RPH3A: variants seen among roughly 807,000 people sequenced by gnomAD.
RPH3A encodes rabphilin-3A.
A neutral mutation model predicts 102.2 loss-of-function variants in RPH3A; 48 were observed. The observed-to-expected ratio is 0.47, with a 90% CI of 0.37 to 0.60. The LOEUF (loss-of-function observed/expected upper bound fraction) is 0.60, where lower values mean the gene tolerates loss of function less well. RPH3A is among the 20% of genes least tolerant of loss of function. The probability of loss-of-function intolerance (pLI) is 0.00; values close to 1 mark genes in which losing one functional copy is unlikely to be tolerated. For synonymous variants in RPH3A, 310 were observed against 324.3 expected (o/e 0.96, Z 0.47); for missense variants, 781 against 910.1 (o/e 0.86, Z 1.83).
At chr12:112,868,167 T>A in intron 7 of RPH3A, 1 of 423,284 alleles carries the variant, frequency 2.4e-6, no homozygotes, top group Non-Finnish European at 4.2e-6. Flanking sequence ...ATTGGACCAG[T>A]CCTTAAGATT....
intron 1 of RPH3A, among the ~76,000 whole-genome samples, chr12:112,671,005 G>T (rs979779837): frequency 6.6e-6 from 1 of 151,944 alleles, no homozygotes; most frequent in African/African-American, 2.4e-5. Flanking sequence ...CCACAGGGGG[G>T]AGATGCCCAA....
At chr12:112,674,837 AG>A (rs1411377353) in intron 1 of RPH3A, among the ~76,000 whole-genome samples, 1 of 152,180 alleles carries the variant, frequency 6.6e-6, no homozygotes, top group Non-Finnish European at 1.5e-5. Flanking sequence ...GAAAGTTATA[AG>A]CAGGGGTTTA....
chr12:112,718,724 T>A (rs921230388), intron 1 of RPH3A, among the ~76,000 whole-genome samples: 2 of 152,220 alleles, frequency 1.3e-5, no homozygotes, highest in African/African-American at 4.8e-5. Flanking sequence ...GAAAGCAACA[T>A]GTGATTCTCT....
At chr12:112,595,106 A>G (rs60704488) in intron 1 of RPH3A, among the ~76,000 whole-genome samples, 2,506 of 152,250 alleles carry the variant, frequency 0.016, 72 homozygotes, top group African/African-American at 0.057. Context: ...ATTTTGTCAA[A>G]TCACTTCACC....
intron 1 of RPH3A, among the ~76,000 whole-genome samples, chr12:112,712,880 TTC>T (rs1260723951): frequency 8.8e-5 from 11 of 125,144 alleles, no homozygotes; most frequent in African/African-American, 4.3e-4. Context: ...TCACTTTTTT[TTC>T]TTCTTCTTCT....
intron 1 of RPH3A, among the ~76,000 whole-genome samples, chr12:112,732,488 G>A (rs1236233140): frequency 6.6e-6 from 1 of 152,132 alleles, no homozygotes; most frequent in Non-Finnish European, 1.5e-5. Flanking sequence ...GAATGCTCTG[G>A]GCACCCTCAT....
chr12:112,582,789 T>C (rs543165407), intron 1 of RPH3A, among the ~76,000 whole-genome samples: 3 of 152,354 alleles, frequency 2.0e-5, no homozygotes, highest in Non-Finnish European at 4.4e-5. Context: ...TCATATTTCA[T>C]TGAGCGGTCA....
At chr12:112,599,509 T>C (rs1305105169) in intron 1 of RPH3A, among the ~76,000 whole-genome samples, 1 of 152,226 alleles carries the variant, frequency 6.6e-6, no homozygotes, top group African/African-American at 2.4e-5. Context: ...CCAGGGTTTG[T>C]ATTGACCCTG....
chr12:112,641,374 T>C (rs2039889020), intron 1 of RPH3A, among the ~76,000 whole-genome samples: 2 of 152,224 alleles, frequency 1.3e-5, no homozygotes, highest in Admixed American at 6.5e-5. Context: ...GATTGGAATC[T>C]TTCTAAAATT....
At chr12:112,588,652 C>T (rs1490611953) in intron 1 of RPH3A, among the ~76,000 whole-genome samples, 4 of 152,156 alleles carry the variant, frequency 2.6e-5, no homozygotes, top group Non-Finnish European at 5.9e-5. Flanking sequence ...TTAGATCCTG[C>T]GAGCCCTCCT....
At chr12:112,777,391 C>G (rs956855148) in intron 1 of RPH3A, among the ~76,000 whole-genome samples, 1 of 152,168 alleles carries the variant, frequency 6.6e-6, no homozygotes, top group African/African-American at 2.4e-5. Flanking sequence ...TATTGTTTTT[C>G]CTCTTAATAA....
At chr12:112,813,608 G>A (rs945078590) in intron 2 of RPH3A, among the ~76,000 whole-genome samples, 1 of 152,208 alleles carries the variant, frequency 6.6e-6, no homozygotes, top group Middle Eastern at 3.2e-3. Flanking sequence ...GTGCTAAAAT[G>A]TGATTCGGGA....
At chr12:112,843,498 G>A (rs372148493) in intron 4 of RPH3A, among the ~76,000 whole-genome samples, 2 of 152,266 alleles carry the variant, frequency 1.3e-5, no homozygotes, top group East Asian at 1.9e-4. Context: ...GGGGCCTCTC[G>A]GAGACCCCCA....
intron 1 of RPH3A, among the ~76,000 whole-genome samples, chr12:112,713,036 T>TCTTCTTCTTCTC (rs2040486597): frequency 5.8e-5 from 5 of 85,656 alleles, no homozygotes; most frequent in African/African-American, 2.8e-4. Flanking sequence ...TTCTTCTTCT[T>TCTTCTTCTTCTC]CTTCTTCTTC....
At chr12:112,685,230 C>G (rs765068197) in intron 1 of RPH3A, among the ~76,000 whole-genome samples, 2 of 152,200 alleles carry the variant, frequency 1.3e-5, no homozygotes, top group Non-Finnish European at 2.9e-5. Flanking sequence ...AGCCATTGCA[C>G]CTGGCTCAAA....
chr12:112,839,930 G>A (rs1007434239), intron 4 of RPH3A, among the ~76,000 whole-genome samples: 1 of 152,024 alleles, frequency 6.6e-6, no homozygotes, highest in Non-Finnish European at 1.5e-5. Context: ...TGGAGGTTGC[G>A]GTGAGCCAAG....
intron 5 of RPH3A, among the ~76,000 whole-genome samples, chr12:112,857,134 A>G (rs1166678296): frequency 1.3e-5 from 2 of 152,174 alleles, no homozygotes; most frequent in East Asian, 3.9e-4. Context: ...ACACCTGAAG[A>G]AAGTGACCGG....
At chr12:112,670,795 G>T (rs1477563308) in intron 1 of RPH3A, among the ~76,000 whole-genome samples, 1 of 152,174 alleles carries the variant, frequency 6.6e-6, no homozygotes, top group Non-Finnish European at 1.5e-5. Context: ...AGCACACAAA[G>T]TCTCTTGAGG....
intron 1 of RPH3A, among the ~76,000 whole-genome samples, chr12:112,720,138 C>A (rs2040541123): frequency 6.6e-6 from 1 of 152,242 alleles, no homozygotes; most frequent in South Asian, 2.1e-4. Context: ...CAACTGTCTC[C>A]TCCCCATGAT....
Sources: gnomAD v4.1 joint callset for allele counts (sites outside exome capture counted in the v4.1 genomes callset) on GRCh38, gnomAD v4.1.1 for gene constraint, MANE v1.5 for transcripts, NCBI Gene and HGNC (gene_info 2026-07-23, HGNC 2026-07-21) for gene names.